The following SLC30A6 variants were observed in gnomAD, a reference collection of about 807,000 sequenced individuals.
SLC30A6 encodes zinc transporter 6.
A neutral mutation model predicts 63.0 loss-of-function variants in SLC30A6; 55 were observed. The observed-to-expected ratio is 0.87, with a 90% CI of 0.70 to 1.09. SLC30A6 has a LOEUF of 1.09. Ranked by LOEUF, SLC30A6 falls within the 50% of genes least tolerant of loss-of-function variation. The pLI is 0.00. For synonymous variants in SLC30A6, 224 were observed against 186.1 expected (o/e 1.20, Z -1.66); for missense variants, 587 against 549.2 (o/e 1.07, Z -0.69).
At chr2:32,186,456 TG>T (rs1682822158) in intron 5 of SLC30A6, among the ~76,000 whole-genome samples, 3 of 152,118 alleles carry the variant, frequency 2.0e-5, no homozygotes, top group African/African-American at 4.8e-5. Context: ...GAGGCCAAGG[TG>T]GGTGGATCAC....
chr2:32,180,663 C>T (rs1333442550), intron 4 of SLC30A6, among the ~76,000 whole-genome samples: 1 of 152,100 alleles, frequency 6.6e-6, no homozygotes, highest in Non-Finnish European at 1.5e-5. Flanking sequence ...GAACTCCTGA[C>T]CTCAGGTGGA....
At chr2:32,169,603 C>T (rs1285623984) in intron 1 of SLC30A6, among the ~76,000 whole-genome samples, 1 of 152,182 alleles carries the variant, frequency 6.6e-6, no homozygotes, top group Non-Finnish European at 1.5e-5. Context: ...ACGGTGAAAC[C>T]CCGTCTCTAC....
intron 13 of SLC30A6, among the ~76,000 whole-genome samples, chr2:32,215,518 T>TATATATATATATATATATATATA (rs66665816): frequency 6.4e-5 from 6 of 93,284 alleles, no homozygotes; most frequent in African/African-American, 2.9e-4. Context: ...ATATATATAT[T>TATATATATATATATATATATATA]TTTTTTTTTT....
Position 32,224,319 on chromosome 2 carries a change from C to G in SLC30A6, c.*3606C>G, listed in dbSNP as rs1054632941. ...GGCGCCGATAATCCTAGTAGGAGAG[C>G]TAAGACACAAAACTGTTGCATGTTT... On this transcript the variant is annotated 3_prime_UTR_variant, in exon 14 of 14. Coordinates refer to ENST00000282587, the MANE Select transcript of SLC30A6 (RefSeq NM_017964.5). The G allele has an allele frequency of 5.2e-6, 3 of 581,702 alleles. No homozygotes were observed. The East Asian group carries it at 8.6e-5, about 17-fold the overall frequency. The allele number at this position is 581,702 out of a possible 1,614,324, so 36.0% of individuals were successfully genotyped here. A position where few individuals can be genotyped will look rare whatever the true frequency, so the allele number is the denominator to read the frequency against.
intron 4 of SLC30A6, among the ~76,000 whole-genome samples, chr2:32,176,377 G>T (rs569374878): frequency 1.3e-5 from 2 of 152,124 alleles, no homozygotes; most frequent in South Asian, 4.1e-4. Flanking sequence ...GGCTTTATTT[G>T]GCCAGGCTTA....
chr2:32,202,651 T>A, intron 10 of SLC30A6: 1 of 595,802 alleles, frequency 1.7e-6, no homozygotes, highest in South Asian at 1.6e-5. Flanking sequence ...CTTTCTAAAC[T>A]GTGCCATGTT....
intron 2 of SLC30A6, among the ~76,000 whole-genome samples, 164 bp downstream of exon 2, chr2:32,171,537 T>C (rs1353598655): frequency 6.6e-6 from 1 of 152,210 alleles, no homozygotes; most frequent in Non-Finnish European, 1.5e-5. Context: ...TGCAGTTGTT[T>C]GGTGTTAAGT....
chr2:32,202,285 T>C, intron 10 of SLC30A6: 2 of 516,722 alleles, frequency 3.9e-6, no homozygotes, highest in South Asian at 2.3e-5. Flanking sequence ...CATTCTATTT[T>C]GCGATCCCTT....
chr2:32,208,733 C>T (rs1039497067), intron 12 of SLC30A6, among the ~76,000 whole-genome samples: 3 of 152,094 alleles, frequency 2.0e-5, no homozygotes, highest in Middle Eastern at 3.4e-3. Context: ...TGGCTGGACT[C>T]GAACTCCTGG....
chr2:32,174,253 A>G (rs1681503619), intron 3 of SLC30A6, 106 bp downstream of exon 3: 1 of 708,456 alleles, frequency 1.4e-6, no homozygotes, highest in African/African-American at 1.8e-5. Flanking sequence ...AAATGTATAT[A>G]ACTCAAATGA....
Position 32,217,049 on chromosome 2 carries a change from C to T in SLC30A6, c.886-3164C>T, listed in dbSNP as rs555596069. Among the ~76,000 whole-genome samples, 20 of 151,442 alleles carry T rather than the reference C, an allele frequency of 1.3e-4. 1 individual carries two copies. Among genetic ancestry groups the T allele is most frequent in the Admixed American group, 7.3e-4 (11 of 15,158 alleles). On this transcript the variant is annotated intron_variant, in intron 13 of 13. Coordinates refer to ENST00000282587, the MANE Select transcript of SLC30A6 (RefSeq NM_017964.5). ...AACTGCAGGCATTTGCCACCACGCC[C>T]GGCAAATTTTTTTTTTTTTTTCCAT...
intron 4 of SLC30A6, among the ~76,000 whole-genome samples, chr2:32,178,078 G>T (rs1313207900): frequency 1.3e-5 from 2 of 151,180 alleles, no homozygotes; most frequent in Non-Finnish European, 2.9e-5. Context: ...CTCCTGAGTA[G>T]CTGGGACTAC....
Position 32,220,790 on chromosome 2 carries a change from CTG to C in SLC30A6, c.*79_*80del. On this transcript the variant is annotated 3_prime_UTR_variant, in exon 14 of 14. Transcript: ENST00000282587. Reference sequence around the variant, plus strand: ...ATTTAGTAATCCAACTTTGCATTGACTGTTTAATCATTTACTCTAAATGTTAG... The same window carrying C: ...ATTTAGTAATCCAACTTTGCATTGACTTTAATCATTTACTCTAAATGTTAG... 2 of 1,281,582 alleles carry C rather than the reference CTG, an allele frequency of 1.6e-6. No homozygotes were observed. Among genetic ancestry groups the C allele is most frequent in the Non-Finnish European group, 2.2e-6 (2 of 924,114 alleles). The allele number at this position is 1,281,582 out of a possible 1,614,324, so 79.4% of individuals were successfully genotyped here. A position where few individuals can be genotyped will look rare whatever the true frequency, so the allele number is the denominator to read the frequency against.
intron 10 of SLC30A6, chr2:32,202,638 G>C: frequency 1.8e-6 from 1 of 564,626 alleles, no homozygotes; most frequent in Non-Finnish European, 3.4e-6. Context: ...GCTCTGATTG[G>C]ATCTTTCTAA....
chr2:32,182,071 C>T (rs1472656172), intron 4 of SLC30A6, among the ~76,000 whole-genome samples: 5 of 151,302 alleles, frequency 3.3e-5, no homozygotes, highest in African/African-American at 1.2e-4. Flanking sequence ...GTAGCTGGGA[C>T]TACAGGTGTT....
chr2:32,215,615 TTAA>T (rs1685638811), intron 13 of SLC30A6, among the ~76,000 whole-genome samples: 1 of 151,166 alleles, frequency 6.6e-6, no homozygotes, highest in African/African-American at 2.4e-5. Flanking sequence ...GTAAATATCC[TTAA>T]TAATTCTGCC....
rs1686304125 is a variant in SLC30A6 at position 32,224,339 on chromosome 2, A to C, written c.*3626A>C. 1.6e-6 allele frequency: 1 copy of C among 627,070 alleles called. No individual in the cohort carries two copies. The highest frequency in any genetic ancestry group is 2.2e-5 in the South Asian group (1 of 45,636). The allele number at this position is 627,070 out of a possible 1,614,324, so 38.8% of individuals were successfully genotyped here. A position where few individuals can be genotyped will look rare whatever the true frequency, so the allele number is the denominator to read the frequency against. On this transcript the variant is annotated 3_prime_UTR_variant, in exon 14 of 14. Transcript: ENST00000282587. ...GAGAGCTAAGACACAAAACTGTTGCATGTTTTTAATCATCAAATTAAACTT... is the reference window on the plus strand; with the variant it reads ...GAGAGCTAAGACACAAAACTGTTGCCTGTTTTTAATCATCAAATTAAACTT...
chr2:32,189,556 C>G (rs965002340), intron 5 of SLC30A6, among the ~76,000 whole-genome samples: 1 of 148,726 alleles, frequency 6.7e-6, no homozygotes, highest in Non-Finnish European at 1.5e-5. Flanking sequence ...CTTGGCCTCC[C>G]AAAGTGCTGG....
At chr2:32,177,544 G>A (rs760277067) in intron 4 of SLC30A6, 9 of 204,186 alleles carry the variant, frequency 4.4e-5, no homozygotes, top group African/African-American at 9.5e-5. Context: ...CACCCACCTC[G>A]GCCTACCAAA....
Sources: gnomAD v4.1 joint callset for allele counts (sites outside exome capture counted in the v4.1 genomes callset) on GRCh38, gnomAD v4.1.1 for gene constraint, MANE v1.5 for transcripts, NCBI Gene and HGNC (gene_info 2026-07-23, HGNC 2026-07-21) for gene names.